The following SPMIP3 variants were observed in gnomAD, a reference collection of about 807,000 sequenced individuals.
The protein encoded by SPMIP3 is sperm microtubule inner protein 3, also known as protein SPMIP3.
chr1:244,354,354 ATTTTTTTTT>A, the SPMIP3 span, among the ~76,000 whole-genome samples: 1 of 107,224 alleles, frequency 9.3e-6, no homozygotes. Context: ...CCAAACTTTG[ATTTTTTTTT>A]TTTTTTTTTT....
the SPMIP3 span, chr1:244,389,304 G>A: frequency 3.0e-6 from 1 of 330,988 alleles, no homozygotes; most frequent in South Asian, 4.2e-5. Flanking sequence ...TGCTGATGCT[G>A]GCAAGCTATC....
the SPMIP3 span, among the ~76,000 whole-genome samples, chr1:244,368,713 C>T: frequency 1.3e-5 from 2 of 152,226 alleles, no homozygotes; most frequent in African/African-American, 4.8e-5. Flanking sequence ...CCTGAGCCTG[C>T]CCTTGTGTGG....
At chr1:244,361,603 G>A in the SPMIP3 span, among the ~76,000 whole-genome samples, 2 of 152,112 alleles carry the variant, frequency 1.3e-5, no homozygotes, top group African/African-American at 2.4e-5. Flanking sequence ...AATTCTTGAG[G>A]TGATGGACAC....
At chr1:244,376,891 A>C in the SPMIP3 span, among the ~76,000 whole-genome samples, 1 of 151,548 alleles carries the variant, frequency 6.6e-6, no homozygotes, top group Non-Finnish European at 1.5e-5. Flanking sequence ...GCTCGCTGCA[A>C]CCTCTGCCTT....
the SPMIP3 span, among the ~76,000 whole-genome samples, chr1:244,359,140 C>CA: frequency 0.69 from 91,284 of 133,074 alleles, 30,694 homozygotes; most frequent in South Asian, 0.77. Flanking sequence ...TGATTAATGG[C>CA]AAAAAAAAAA....
the SPMIP3 span, among the ~76,000 whole-genome samples, chr1:244,384,835 C>G: frequency 1.3e-5 from 2 of 152,160 alleles, no homozygotes; most frequent in Non-Finnish European, 2.9e-5. Flanking sequence ...GAGTTTTTCA[C>G]AGAATAAGAG....
At chr1:244,366,847 T>G in the SPMIP3 span, among the ~76,000 whole-genome samples, 1 of 151,984 alleles carries the variant, frequency 6.6e-6, no homozygotes. Flanking sequence ...ACTACTGCAC[T>G]CCAGTGTGGG....
chr1:244,358,236 AAAAAG>A, the SPMIP3 span, among the ~76,000 whole-genome samples: 56,680 of 150,878 alleles, frequency 0.38, 11,565 homozygotes, highest in Non-Finnish European at 0.48. Context: ...TCTCAAAAAG[AAAAAG>A]AAAAGAAAAG....
chr1:244,372,347 C>T, the SPMIP3 span, among the ~76,000 whole-genome samples: 2 of 152,022 alleles, frequency 1.3e-5, no homozygotes, highest in East Asian at 1.9e-4. Context: ...TTGGTTGAGT[C>T]GAACTGAAGG....
the SPMIP3 span, among the ~76,000 whole-genome samples, chr1:244,376,989 G>A: frequency 6.6e-6 from 1 of 150,962 alleles, no homozygotes; most frequent in East Asian, 2.0e-4. Flanking sequence ...TGTATTATTA[G>A]TAGAGACGGG....
chr1:244,372,545 A>G, the SPMIP3 span, among the ~76,000 whole-genome samples: 4 of 150,760 alleles, frequency 2.7e-5, no homozygotes, highest in Non-Finnish European at 5.9e-5. Context: ...CCAGGTTCAC[A>G]CCATTCTCCT....
chr1:244,387,970 C>T, the SPMIP3 span, among the ~76,000 whole-genome samples: 1 of 151,518 alleles, frequency 6.6e-6, no homozygotes, highest in African/African-American at 2.4e-5. Flanking sequence ...TCTTGTTGCC[C>T]AGGCTGGAGT....
chr1:244,377,971 A>G, the SPMIP3 span, among the ~76,000 whole-genome samples: 2 of 151,968 alleles, frequency 1.3e-5, no homozygotes, highest in African/African-American at 4.8e-5. Context: ...ACGCCTGGCT[A>G]ATTTTTGTAT....
the SPMIP3 span, among the ~76,000 whole-genome samples, chr1:244,353,270 C>T: frequency 6.6e-6 from 1 of 152,062 alleles, no homozygotes; most frequent in African/African-American, 2.4e-5. Context: ...CTTGGCCAAG[C>T]GTGGCGGCTC....
At chr1:244,359,946 A>C in the SPMIP3 span, among the ~76,000 whole-genome samples, 1 of 150,810 alleles carries the variant, frequency 6.6e-6, no homozygotes, top group Non-Finnish European at 1.5e-5. Context: ...TGTCTCTACT[A>C]AAAATACAAA....
chr1:244,367,702 C>T, the SPMIP3 span, among the ~76,000 whole-genome samples: 7 of 152,194 alleles, frequency 4.6e-5, no homozygotes, highest in East Asian at 3.9e-4. Context: ...CCCAAACCCC[C>T]GGACTCCCGG....
the SPMIP3 span, among the ~76,000 whole-genome samples, chr1:244,355,845 C>T: frequency 9.2e-5 from 14 of 152,120 alleles, no homozygotes; most frequent in Admixed American, 5.9e-4. Context: ...TGGTTTCTTT[C>T]GTCAACATTT....
the SPMIP3 span, among the ~76,000 whole-genome samples, chr1:244,374,765 T>C: frequency 2.4e-4 from 36 of 151,882 alleles, no homozygotes; most frequent in Non-Finnish European, 4.3e-4. Context: ...TCCAGCTTTT[T>C]TTTTGTATTT....
chr1:244,380,064 T>C, the SPMIP3 span, among the ~76,000 whole-genome samples: 20 of 151,782 alleles, frequency 1.3e-4, no homozygotes, highest in Non-Finnish European at 5.9e-5. Flanking sequence ...GTGTTCCTGC[T>C]GTCATTGGTG....
Sources: allele counts gnomAD v4.1 joint callset (sites outside exome capture counted in the v4.1 genomes callset), GRCh38; gene constraint gnomAD v4.1.1; transcripts MANE v1.5; gene names NCBI Gene and HGNC (gene_info 2026-07-23, HGNC 2026-07-21).